Variants in RXRA observed in about 807,000 individuals in gnomAD.
RXRA encodes retinoid X receptor alpha, also known as retinoic acid receptor RXR-alpha.
In RXRA, 5 loss-of-function variants were observed where a neutral mutation model predicts 44.5. The observed-to-expected ratio is 0.11, with a 90% CI of 0.06 to 0.24. The LOEUF (loss-of-function observed/expected upper bound fraction) is 0.24. RXRA is among the 10% of genes least tolerant of loss of function. The pLI is 1.00. For missense variants in RXRA, 412 were observed against 646.5 expected, an observed-to-expected ratio of 0.64 and a Z score of 3.93; for synonymous variants, 291 against 271.4, an observed-to-expected ratio of 1.07 and a Z score of -0.71.
At chr9:134,387,489 T>G (rs1348674204) in intron 1 of RXRA, among the ~76,000 whole-genome samples, 1 of 152,254 alleles carries the variant, frequency 6.6e-6, no homozygotes, top group Non-Finnish European at 1.5e-5. Flanking sequence ...TTAAAAGTCC[T>G]TTCGCAATTT....
chr9:134,417,843 G>GC lies in RXRA; in HGVS notation c.780+522dup, dbSNP rs1447022669. Among the ~76,000 whole-genome samples, 3 of 152,012 alleles carry GC rather than the reference G, an allele frequency of 2.0e-5. No individual in the cohort carries two copies. The highest frequency in any genetic ancestry group is 4.4e-5 in the Non-Finnish European group (3 of 67,968). ...TGTTGATACAGGAAGCAGCTCTGCA[G>GC]CCCCCCAGCTGGTCACCCCCATGCT... On this transcript the variant is annotated intron_variant, in intron 5 of 9. Transcript: ENST00000481739. This position sits in a 1 kb window ranked among gnomAD's most constrained non-coding sequence, Gnocchi z 6.1.
At chr9:134,362,588 A>G (rs1830365420) in intron 1 of RXRA, among the ~76,000 whole-genome samples, 1 of 152,194 alleles carries the variant, frequency 6.6e-6, no homozygotes, top group Non-Finnish European at 1.5e-5. Context: ...TGAATAAATG[A>G]TGGTGTTCCA....
chr9:134,362,391 C>T (rs1830362951), intron 1 of RXRA, among the ~76,000 whole-genome samples: 1 of 152,240 alleles, frequency 6.6e-6, no homozygotes, highest in Non-Finnish European at 1.5e-5. Context: ...TCGCTGGGTG[C>T]CCCTGCAGAC....
chr9:134,384,026 C>G (rs768877479), intron 1 of RXRA, among the ~76,000 whole-genome samples: 54 of 152,152 alleles, frequency 3.5e-4, no homozygotes, highest in Non-Finnish European at 6.2e-4. Context: ...TCAACAAAAG[C>G]CTATCTTCTC....
chr9:134,355,505 T>A (rs1355856734), intron 1 of RXRA, among the ~76,000 whole-genome samples: 1 of 132,162 alleles, frequency 7.6e-6, no homozygotes, highest in Non-Finnish European at 1.6e-5. Context: ...GGTTACTTTT[T>A]CCTTGCCTGG....
chr9:134,346,366 C>T (rs1300905387), intron 1 of RXRA, among the ~76,000 whole-genome samples: 6 of 152,194 alleles, frequency 3.9e-5, no homozygotes, highest in Admixed American at 6.5e-5. Context: ...GCCCTTCTGC[C>T]GTTGCCCCTT....
intron 1 of RXRA, among the ~76,000 whole-genome samples, chr9:134,367,809 C>CA (rs1208762929): frequency 6.6e-6 from 1 of 152,230 alleles, no homozygotes; most frequent in Non-Finnish European, 1.5e-5. Flanking sequence ...CTCTCCCACA[C>CA]CTGAGGGCCT....
chr9:134,403,365 T>G (rs1329978835), intron 2 of RXRA: 1 of 152,286 alleles, frequency 6.6e-6, no homozygotes, highest in African/African-American at 2.4e-5. Context: ...AGGCCCAAGG[T>G]GCTGGCACGA....
chr9:134,339,319 G>A (rs1299333245), intron 1 of RXRA, among the ~76,000 whole-genome samples: 1 of 152,252 alleles, frequency 6.6e-6, no homozygotes, highest in Non-Finnish European at 1.5e-5. Flanking sequence ...CTGCGTGTGA[G>A]CCCGTGAGCC....
chr9:134,326,658 C>A lies in RXRA; in HGVS notation c.27C>A (p.Leu9=). 2 of 955,768 alleles carry A rather than the reference C, an allele frequency of 2.1e-6. No homozygotes were observed. The highest frequency in any genetic ancestry group is 2.5e-6 in the Non-Finnish European group (2 of 808,690). The allele number at this position is 955,768 out of a possible 1,614,324, so 59.2% of individuals were successfully genotyped here. A position where few individuals can be genotyped will look rare whatever the true frequency, so the allele number is the denominator to read the frequency against. Residue 9 remains leucine (L), a splice_region_variant and synonymous_variant, in exon 1 of 10, where the codon CTC becomes CTA. Coordinates refer to ENST00000481739, the MANE Select transcript of RXRA (RefSeq NM_002957.6). MDTKHFLP[L]DFSTQVNSSL... ...TGGACACCAAACATTTCCTGCCGCT[C>A]GGTGAGTGCTCGCCGGGCCGGGCGG...
intron 5 of RXRA, among the ~76,000 whole-genome samples, chr9:134,419,266 A>T (rs1018279647): frequency 6.6e-6 from 1 of 152,200 alleles, no homozygotes; most frequent in Admixed American, 6.5e-5. Flanking sequence ...CAAGTTTGGC[A>T]GATGCACAAA....
chr9:134,364,257 G>C (rs968036128), intron 1 of RXRA, among the ~76,000 whole-genome samples: 4 of 152,246 alleles, frequency 2.6e-5, no homozygotes, highest in African/African-American at 9.6e-5. Flanking sequence ...TGCGGTGGGA[G>C]CTTGTGCTGG....
intron 1 of RXRA, among the ~76,000 whole-genome samples, chr9:134,333,178 G>T (rs1835032631): frequency 6.6e-6 from 1 of 152,176 alleles, no homozygotes; most frequent in African/African-American, 2.4e-5. Flanking sequence ...TCCTTCAGGG[G>T]ATCAGAGCCT....
intron 9 of RXRA, among the ~76,000 whole-genome samples, chr9:134,435,989 A>G (rs1242454842): frequency 6.6e-6 from 1 of 152,140 alleles, no homozygotes; most frequent in Non-Finnish European, 1.5e-5. Flanking sequence ...GCAGGCATGC[A>G]CCACCACGCC....
intron 1 of RXRA, among the ~76,000 whole-genome samples, chr9:134,329,886 G>A (rs1356636471): frequency 6.6e-6 from 1 of 152,150 alleles, no homozygotes; most frequent in Non-Finnish European, 1.5e-5. Context: ...GTGGGAACAG[G>A]GGGTACTCAG....
rs377593136 is a variant in RXRA, at chr9:134,334,273, G to T, written c.28+7614G>T. On this transcript the variant is annotated intron_variant, in intron 1 of 9. Coordinates refer to ENST00000481739, the MANE Select transcript of RXRA (RefSeq NM_002957.6). The stretch of plus-strand genomic sequence containing the variant: ...TTGCAGCACCCAGTACAGGTATGCA[G>T]GAAGGACTCGCTTGACTTAGAGAGT... Among the ~76,000 whole-genome samples, 40 of 152,366 alleles carry T rather than the reference G, an allele frequency of 2.6e-4. No homozygotes were observed. The East Asian group carries it at 4.2e-3, about 16-fold the overall frequency.
chr9:134,429,713 G>T (rs1831498385), intron 7 of RXRA, among the ~76,000 whole-genome samples: 1 of 152,098 alleles, frequency 6.6e-6, no homozygotes, highest in South Asian at 2.1e-4. Flanking sequence ...TGGAGCAAAG[G>T]GCTGCACCTC....
At chr9:134,397,206 T>C (rs1312351379) in intron 1 of RXRA, among the ~76,000 whole-genome samples, 3 of 152,106 alleles carry the variant, frequency 2.0e-5, no homozygotes, top group Non-Finnish European at 4.4e-5. Flanking sequence ...GGGGTGTGAG[T>C]GTCCCTGGGG....
At chr9:134,360,440 C>T (rs1257274141) in intron 1 of RXRA, among the ~76,000 whole-genome samples, 1 of 152,152 alleles carries the variant, frequency 6.6e-6, no homozygotes. Context: ...TGGCTGCAGG[C>T]GAGGCCCATC....
Sources: gnomAD v4.1 joint callset for allele counts (sites outside exome capture counted in the v4.1 genomes callset) on GRCh38, gnomAD v4.1.1 for gene constraint, Gnocchi (gnomAD v3.1) non-coding constraint, MANE v1.5 for transcripts, NCBI Gene and HGNC (gene_info 2026-07-23, HGNC 2026-07-21) for gene names.